The following GLRA3 variants were observed in gnomAD, a reference collection of about 807,000 sequenced individuals.
GLRA3 encodes glycine receptor subunit alpha-3.
GLRA3 carries 44 observed loss-of-function variants against 60.4 expected under a neutral mutation model. The ratio of observed to expected loss-of-function variants is 0.73; its 90% CI spans 0.57 to 0.94. The LOEUF is 0.94. Ranked by LOEUF, GLRA3 falls within the 40% of genes least tolerant of loss-of-function variation. GLRA3 has a pLI of 0.00. For missense variants in GLRA3, 508 were observed against 564.6 expected, an observed-to-expected ratio of 0.90 and a Z score of 1.02; for synonymous variants, 223 against 192.9, an observed-to-expected ratio of 1.16 and a Z score of -1.29.
At chr4:174,802,637 G>T (rs183785465) in intron 1 of GLRA3, among the ~76,000 whole-genome samples, 2 of 151,916 alleles carry the variant, frequency 1.3e-5, no homozygotes, top group Non-Finnish European at 2.9e-5. Context: ...GGCAATACTC[G>T]TTGTCTCAGT....
intron 1 of GLRA3, among the ~76,000 whole-genome samples, chr4:174,810,019 C>T (rs1275245321): frequency 6.6e-6 from 1 of 152,130 alleles, no homozygotes; most frequent in African/African-American, 2.4e-5. Context: ...TACTCATTTT[C>T]ATCTTCAAAT....
intron 4 of GLRA3, among the ~76,000 whole-genome samples, chr4:174,725,560 A>G (rs1736291342): frequency 6.6e-6 from 1 of 152,154 alleles, no homozygotes; most frequent in Admixed American, 6.6e-5. Flanking sequence ...GGCTCACTGC[A>G]ACCGCTGCCT....
intron 6 of GLRA3, among the ~76,000 whole-genome samples, chr4:174,679,255 T>C (rs1394307515): frequency 1.3e-5 from 2 of 151,900 alleles, no homozygotes; most frequent in Non-Finnish European, 2.9e-5. Flanking sequence ...GGTGTGAACC[T>C]GCTTGCAGTA....
chr4:174,814,387 A>T (rs1241701190), intron 1 of GLRA3, among the ~76,000 whole-genome samples: 1 of 152,158 alleles, frequency 6.6e-6, no homozygotes, highest in East Asian at 1.9e-4. Flanking sequence ...TTTTCTTCAA[A>T]GTTCCACTGT....
In GLRA3 at chr4:174,677,240, G is replaced by C; in HGVS notation, c.765C>G (p.Tyr255Ter). 6.2e-7 allele frequency: 1 copy of C among 1,612,846 alleles called. No individual in the cohort carries two copies. The highest frequency in any genetic ancestry group is 8.5e-7 in the Non-Finnish European group (1 of 1,178,960). Residue 255 changes from tyrosine (Y) to a stop codon, truncating the protein, a stop_gained, in exon 7 of 10, where the codon TAC (tyrosine) becomes TAG (stop). Coordinates refer to ENST00000274093, the MANE Select transcript of GLRA3 (RefSeq NM_006529.4). LOFTEE classifies it high-confidence loss of function. ...VRFHLERQMG[Y>*]YLIQMYIPSL... ...TGGGAATGTACATCTGGATCAGATA[G>C]TATCCCATTTGTCGCTCCAGATGGA...
chr4:174,790,643 T>C (rs1335142863), intron 1 of GLRA3, among the ~76,000 whole-genome samples: 1 of 151,746 alleles, frequency 6.6e-6, no homozygotes, highest in Non-Finnish European at 1.5e-5. Context: ...TACCAATTTA[T>C]CTTGACCTGA....
intron 2 of GLRA3, among the ~76,000 whole-genome samples, chr4:174,788,511 T>C (rs1739202676): frequency 1.4e-5 from 2 of 144,770 alleles, no homozygotes; most frequent in Admixed American, 7.3e-5. Context: ...GATAGAATAA[T>C]TAAATAAAGG....
At chr4:174,714,412 T>C (rs1462133260) in intron 5 of GLRA3, among the ~76,000 whole-genome samples, 1 of 152,212 alleles carries the variant, frequency 6.6e-6, no homozygotes, top group East Asian at 1.9e-4. Flanking sequence ...TTATTTCCTC[T>C]CATTTACGTT....
At position 174,766,985 on chromosome 4, in the gene GLRA3, C is replaced by A. The variant is rs1179093017; in HGVS notation, c.245G>T (p.Gly82Val). The A allele has an allele frequency of 6.3e-7, 1 of 1,595,878 alleles. No homozygotes were observed. Among genetic ancestry groups the A allele is most frequent in the Admixed American group, 1.7e-5 (1 of 59,480 alleles). Residue 82 changes from glycine (G) to valine (V), a missense_variant, in exon 3 of 10, where the codon GGC becomes GTC. Physicochemically the swap from Gly to Val is moderately radical, Grantham distance 109. Transcript: ENST00000274093. The part of the protein sequence containing the change: ...VTCNIFINSF[G>V]SIAETTMDYR... ...TACCATGGTCGTCTCTGCGATAGAG[C>A]CAAAGCTGTTGATGAATATGTTGCA...
intron 2 of GLRA3, 146 bp from the exon 3 acceptor site, chr4:174,767,176 A>G: frequency 1.9e-6 from 1 of 530,762 alleles, no homozygotes; most frequent in South Asian, 3.0e-5. Context: ...AATTGAAGCA[A>G]TAATTCCACA....
At chr4:174,728,866 A>C (rs1285264081) in intron 3 of GLRA3, among the ~76,000 whole-genome samples, 168 bp from the exon 4 acceptor site, 1 of 152,194 alleles carries the variant, frequency 6.6e-6, no homozygotes, top group Non-Finnish European at 1.5e-5. Flanking sequence ...GTTGGGACAG[A>C]GGGAGGATGG....
rs1554012519 is a variant in GLRA3 at position 174,688,617 on chromosome 4, T to TGA, written c.575-5680_575-5679dup. 1.0e-3 allele frequency among the ~76,000 whole-genome samples: 153 copies of TGA among 145,964 alleles called. 2 individuals carry two copies. Among genetic ancestry groups the TGA allele is most frequent in the Admixed American group, 2.6e-3 (38 of 14,578 alleles). ...GTGTGTGTGTGTGTGTGTGTGTGTGTGACGTTATTTTGGGTTGCCTTGAAT... is the reference window on the plus strand; with the variant it reads ...GTGTGTGTGTGTGTGTGTGTGTGTGTGAGACGTTATTTTGGGTTGCCTTGAAT... On this transcript the variant is annotated intron_variant, in intron 5 of 9. Coordinates refer to ENST00000274093, the MANE Select transcript of GLRA3 (RefSeq NM_006529.4).
Position 174,805,449 on chromosome 4 carries a change from T to C in GLRA3, c.72-16506A>G, listed in dbSNP as rs527311842. ...CATGTTGTGAGAACACTCAAGAAGC[T>C]ACAAGGGAGAAACCAAGGGCTTCTA... On this transcript the variant is annotated intron_variant, in intron 1 of 9. Transcript: ENST00000274093. Among the ~76,000 whole-genome samples, 36 of 152,210 alleles carry C rather than the reference T, an allele frequency of 2.4e-4. No individual in the cohort carries two copies. In the East Asian group the frequency reaches 6.8e-3, roughly 29 times the overall value.
intron 3 of GLRA3, among the ~76,000 whole-genome samples, chr4:174,765,506 C>T (rs749931697): frequency 1.3e-5 from 2 of 151,940 alleles, no homozygotes; most frequent in African/African-American, 2.4e-5. Flanking sequence ...TGTATAGAAA[C>T]AAAATGAGAA....
At chr4:174,685,854 T>C (rs1043963627) in intron 5 of GLRA3, among the ~76,000 whole-genome samples, 3 of 152,162 alleles carry the variant, frequency 2.0e-5, no homozygotes, top group African/African-American at 4.8e-5. Flanking sequence ...ACAAAATATA[T>C]GAGATTGTGT....
chr4:174,740,907 G>A (rs1736997015), intron 3 of GLRA3, among the ~76,000 whole-genome samples: 2 of 152,162 alleles, frequency 1.3e-5, no homozygotes, highest in Admixed American at 6.6e-5. Context: ...GTTATTGTGT[G>A]TATCAGTTTA....
At chr4:174,752,993 A>G (rs13113891) in intron 3 of GLRA3, among the ~76,000 whole-genome samples, 70,752 of 151,994 alleles carry the variant, frequency 0.47, 17,433 homozygotes, top group Middle Eastern at 0.61. Context: ...GGCTTATGTT[A>G]TCAAGCCTCC....
intron 7 of GLRA3, among the ~76,000 whole-genome samples, chr4:174,660,002 C>T (rs1733375171): frequency 6.6e-6 from 1 of 150,706 alleles, no homozygotes; most frequent in Non-Finnish European, 1.5e-5. Flanking sequence ...TAAGGACTAT[C>T]AGCTTCTTCA....
In GLRA3 at chr4:174,640,358, T is replaced by C. The variant is rs1381831117; in HGVS notation, c.*3428A>G. 1.3e-5 allele frequency: 2 copies of C among 152,122 alleles called. No individual in the cohort carries two copies. Among genetic ancestry groups the C allele is most frequent in the Non-Finnish European group, 2.9e-5 (2 of 67,982 alleles). 9.4% of individuals were successfully genotyped at this position (152,122 alleles called of 1,614,324 possible). On this transcript the variant is annotated 3_prime_UTR_variant, in exon 10 of 10. Transcript: ENST00000274093. ...CATTTCAATTTTGGCAAGTCTCTTG[T>C]ATTCTCTCATGTCCATTTCCTGGAA...
Sources: gnomAD v4.1 joint callset for allele counts (sites outside exome capture counted in the v4.1 genomes callset) on GRCh38, gnomAD v4.1.1 for gene constraint, MANE v1.5 for transcripts, NCBI Gene and HGNC (gene_info 2026-07-23, HGNC 2026-07-21) for gene names.